AFF4: variants seen among roughly 807,000 people sequenced by gnomAD.
AFF4 encodes AF4/FMR2 family member 4.
AFF4 carries 13 observed loss-of-function variants against 124.8 expected under a neutral mutation model. The ratio of observed to expected loss-of-function variants is 0.10; its 90% CI spans 0.07 to 0.17. AFF4 has a LOEUF of 0.17. Ranked by LOEUF, AFF4 falls within the 10% of genes least tolerant of loss-of-function variation. The pLI is 1.00. For missense variants in AFF4, 1,092 were observed against 1,403.8 expected, an observed-to-expected ratio of 0.78 and a Z score of 3.55; for synonymous variants, 477 against 496.1, an observed-to-expected ratio of 0.96 and a Z score of 0.51.
chr5:132,960,912 C>T (rs775080397), intron 1 of AFF4, among the ~76,000 whole-genome samples: 6 of 152,058 alleles, frequency 3.9e-5, no homozygotes, highest in Non-Finnish European at 8.8e-5. Flanking sequence ...ATATAGTAGG[C>T]TTCTGCTTGT....
At position 132,934,509 on chromosome 5, in the gene AFF4, C is replaced by A; in HGVS notation, c.556G>T (p.Ala186Ser). The A allele has an allele frequency of 6.2e-7, 1 of 1,614,104 alleles. No homozygotes were observed. Among genetic ancestry groups the A allele is most frequent in the African/African-American group, 1.3e-5 (1 of 75,010 alleles). The change falls in exon 3 of 21, where the codon GCT becomes TCT. Residue 186 changes from alanine to serine, a missense_variant. Physicochemically the swap from Ala to Ser is moderately conservative, Grantham distance 99. Coordinates refer to ENST00000265343, the MANE Select transcript of AFF4 (RefSeq NM_014423.4). ...TGACTAGAGTTTAATGAAGAAACAGCCTGGGGTTTTCCAGGGCTGGAAGAA... is the reference window on the plus strand; with the variant it reads ...TGACTAGAGTTTAATGAAGAAACAGACTGGGGTTTTCCAGGGCTGGAAGAA... Reference protein sequence around the residue: ...SRSSSPGKPQAVSSLNSSHSR... With the variant: ...SRSSSPGKPQSVSSLNSSHSR...
Position 132,927,160 on chromosome 5 carries a change from T to A in AFF4, c.1011A>T (p.Pro337=). 1 of 1,612,944 alleles carries A rather than the reference T, an allele frequency of 6.2e-7. No individual in the cohort carries two copies. Among genetic ancestry groups the A allele is most frequent in the Non-Finnish European group, 8.5e-7 (1 of 1,179,678 alleles). The change falls in exon 5 of 21, where the codon CCA becomes CCT. Residue 337 remains proline (P), a synonymous_variant. Coordinates refer to ENST00000265343, the MANE Select transcript of AFF4 (RefSeq NM_014423.4). Reference sequence around the variant, plus strand: ...GAAATTTGGAAGGTTCTGTTTTGCATGGTGTATGAATAGCCGTTAGAGGGG... The same window carrying A: ...GAAATTTGGAAGGTTCTGTTTTGCAAGGTGTATGAATAGCCGTTAGAGGGG... ...WPPPLTAIHT[P]CKTEPSKFPF...
chr5:132,947,329 G>A (rs896376084), intron 1 of AFF4, among the ~76,000 whole-genome samples: 26 of 152,076 alleles, frequency 1.7e-4, no homozygotes, highest in East Asian at 7.7e-4. Context: ...TTTGAATCTC[G>A]GAGGCAAAAA....
Position 132,939,780 on chromosome 5 carries a change from T to G in AFF4, c.-4-2587A>C, listed in dbSNP as rs564179849. On this transcript the variant is annotated intron_variant, in intron 1 of 20. Coordinates refer to ENST00000265343, the MANE Select transcript of AFF4 (RefSeq NM_014423.4). ...CACCTGCCACCACGCCCGGCTAATT[T>G]TTGTATTTTTAGTAGCGATGGGGTT... 3.7e-4 allele frequency among the ~76,000 whole-genome samples: 57 copies of G among 152,318 alleles called. No homozygotes were observed. The South Asian group carries it at 5.0e-3, about 13-fold the overall frequency.
Position 132,896,521 on chromosome 5 carries a change from T to G in AFF4, c.2109A>C (p.Ser703=). The change falls in exon 11 of 21, where the codon TCA becomes TCC. Residue 703 remains serine, a synonymous_variant. Transcript: ENST00000265343. ...FSPMEEKELL[S]PLSEPDDRYP... ...ACCTGTCATCAGGCTCACTGAGGGG[T>G]GAAAGAAGTTCCTTCTCTTCCATAG... 1 of 1,614,142 alleles carries G rather than the reference T, an allele frequency of 6.2e-7. No individual in the cohort carries two copies. Among genetic ancestry groups the G allele is most frequent in the South Asian group, 1.1e-5 (1 of 91,076 alleles).
intron 1 of AFF4, among the ~76,000 whole-genome samples, chr5:132,942,240 GC>G (rs1761587571): frequency 6.6e-6 from 1 of 152,106 alleles, no homozygotes; most frequent in Admixed American, 6.6e-5. Flanking sequence ...TTAATAATTT[GC>G]TGGAGAAGCT....
intron 14 of AFF4, among the ~76,000 whole-genome samples, chr5:132,888,542 G>C (rs941704925): frequency 2.0e-5 from 3 of 152,160 alleles, no homozygotes; most frequent in Admixed American, 6.5e-5. Context: ...ATCAGCAGTA[G>C]TAAGATTCTT....
In AFF4 at chr5:132,877,857, A is replaced by C. The variant is rs1015619850; in HGVS notation, c.*3202T>G. 4.5e-6 allele frequency: 1 copy of C among 220,326 alleles called. No individual in the cohort carries two copies. The highest frequency in any genetic ancestry group is 2.2e-5 in the African/African-American group (1 of 44,600). The allele number at this position is 220,326 out of a possible 1,614,324, so 13.6% of individuals were successfully genotyped here. A position where few individuals can be genotyped will look rare whatever the true frequency, so the allele number is the denominator to read the frequency against. On this transcript the variant is annotated 3_prime_UTR_variant, in exon 21 of 21. Coordinates refer to ENST00000265343, the MANE Select transcript of AFF4 (RefSeq NM_014423.4). ...AGAAACGAACAACAATTTTTTAAAAACTAGTGAATCTAATAAAGCCAAGTG... is the reference window on the plus strand; with the variant it reads ...AGAAACGAACAACAATTTTTTAAAACCTAGTGAATCTAATAAAGCCAAGTG...
chr5:132,921,345 A>G (rs553568382), intron 5 of AFF4, among the ~76,000 whole-genome samples: 1 of 152,334 alleles, frequency 6.6e-6, no homozygotes, highest in South Asian at 2.1e-4. Flanking sequence ...CTAAAGTTTT[A>G]AAAGACTGAC....
At position 132,875,521 on chromosome 5, in the gene AFF4, C is replaced by CT. The variant is rs1444867555; in HGVS notation, c.*5537dup. The CT allele has an allele frequency of 5.3e-6, 1 of 189,124 alleles. No individual in the cohort carries two copies. The highest frequency in any genetic ancestry group is 1.1e-5 in the Non-Finnish European group (1 of 89,752). 11.7% of individuals were successfully genotyped at this position (189,124 alleles called of 1,614,324 possible). ...TCTTTACAAATTGAAATGTGATACC[C>CT]TTGTCTCCAAATATTTTAATTGCCA... On this transcript the variant is annotated 3_prime_UTR_variant, in exon 21 of 21. Coordinates refer to ENST00000265343, the MANE Select transcript of AFF4 (RefSeq NM_014423.4).
intron 10 of AFF4, 92 bp from the exon 11 acceptor site, chr5:132,897,332 C>T: frequency 7.4e-7 from 1 of 1,349,348 alleles, no homozygotes; most frequent in South Asian, 1.4e-5. Flanking sequence ...GGAAAAACCA[C>T]AATGCCTAAT....
intron 11 of AFF4, among the ~76,000 whole-genome samples, chr5:132,893,953 T>C (rs1581275661): frequency 6.6e-6 from 1 of 152,228 alleles, no homozygotes. Flanking sequence ...TTGTGGCTCC[T>C]TTCATTTAGT....
Position 132,934,137 on chromosome 5 carries a change from T to A in AFF4, c.918+10A>T, listed in dbSNP as rs1429492672. Reference sequence around the variant, plus strand: ...GTCACAATGTTAAAAGCTCTAAATGTGTGACTTACATCCAGTGGTTGGGAA... The same window carrying A: ...GTCACAATGTTAAAAGCTCTAAATGAGTGACTTACATCCAGTGGTTGGGAA... On this transcript the variant is annotated intron_variant, in intron 3 of 20. Transcript: ENST00000265343. The A allele has an allele frequency of 2.5e-6, 4 of 1,606,510 alleles. No individual in the cohort carries two copies. In the South Asian group the frequency reaches 3.3e-5, roughly 13 times the overall value.
chr5:132,938,838 G>A (rs1051965278), intron 1 of AFF4, among the ~76,000 whole-genome samples: 2 of 150,116 alleles, frequency 1.3e-5, no homozygotes, highest in Middle Eastern at 3.2e-3. Context: ...GGCTACTCAG[G>A]AGGCTGAGGC....
chr5:132,957,367 A>T (rs184049941), intron 1 of AFF4, among the ~76,000 whole-genome samples: 6 of 151,898 alleles, frequency 4.0e-5, no homozygotes, highest in Non-Finnish European at 7.4e-5. Context: ...ATTATTATTT[A>T]AAATGTTATT....
chr5:132,910,122 A>C (rs1760759852), intron 5 of AFF4, among the ~76,000 whole-genome samples: 1 of 152,214 alleles, frequency 6.6e-6, no homozygotes. Flanking sequence ...TCCTTATAAC[A>C]CCCAGCAAAA....
intron 16 of AFF4, 99 bp downstream of exon 16, chr5:132,887,747 G>A: frequency 6.5e-7 from 1 of 1,533,984 alleles, no homozygotes; most frequent in Non-Finnish European, 8.9e-7. Context: ...GACATTAAAG[G>A]ATTATACACC....
intron 1 of AFF4, among the ~76,000 whole-genome samples, chr5:132,956,338 C>T (rs1761957345): frequency 1.3e-5 from 2 of 152,094 alleles, no homozygotes; most frequent in South Asian, 4.1e-4. Context: ...ACATTGAAAT[C>T]TGAGTTTCCT....
At chr5:132,885,418 C>G (rs1760090426) in intron 18 of AFF4, among the ~76,000 whole-genome samples, 1 of 126,356 alleles carries the variant, frequency 7.9e-6, no homozygotes, top group African/African-American at 3.1e-5. Context: ...CTGGGAGTAG[C>G]TGCAGTGAGC....
Sources: gnomAD v4.1 joint callset for allele counts (sites outside exome capture counted in the v4.1 genomes callset) on GRCh38, gnomAD v4.1.1 for gene constraint, MANE v1.5 for transcripts, NCBI Gene and HGNC (gene_info 2026-07-23, HGNC 2026-07-21) for gene names.